The following RCL1 variants were observed in gnomAD, a reference collection of about 807,000 sequenced individuals.
RCL1 encodes RNA terminal phosphate cyclase like 1.
Under a neutral mutation model 42.4 loss-of-function variants are expected in RCL1, and 24 were observed. The observed-to-expected ratio is 0.57, with a 90% confidence interval of 0.41 to 0.80. The LOEUF (loss-of-function observed/expected upper bound fraction) is 0.80. RCL1 is among the 30% of genes least tolerant of loss of function. RCL1 has a pLI of 0.00. For synonymous variants in RCL1, 228 were observed against 177.3 expected, an observed-to-expected ratio of 1.29 and a Z score of -2.27; for missense variants, 578 against 467.9, an observed-to-expected ratio of 1.24 and a Z score of -2.17.
intron 1 of RCL1, among the ~76,000 whole-genome samples, chr9:4,817,076 C>G (rs562482115): frequency 2.6e-5 from 4 of 152,316 alleles, no homozygotes; most frequent in African/African-American, 9.6e-5. Context: ...CTCGGCCTCC[C>G]AAAATGCTGG....
At chr9:4,856,389 G>T (rs1817963566) in intron 8 of RCL1, among the ~76,000 whole-genome samples, 1 of 152,148 alleles carries the variant, frequency 6.6e-6, no homozygotes, top group Admixed American at 6.5e-5. Flanking sequence ...CCTCTTTACT[G>T]AGAACCTTTA....
At chr9:4,832,377 T>C (rs1055964137) in intron 3 of RCL1, among the ~76,000 whole-genome samples, 1 of 152,228 alleles carries the variant, frequency 6.6e-6, no homozygotes, top group Non-Finnish European at 1.5e-5. Context: ...TCATTGGCAT[T>C]CTTAGGTGAG....
intron 8 of RCL1, among the ~76,000 whole-genome samples, chr9:4,850,584 C>T (rs939023989): frequency 4.2e-5 from 6 of 142,526 alleles, no homozygotes; most frequent in Admixed American, 2.2e-4. Context: ...AGAGGGAAGA[C>T]TGATAAGCAG....
intron 5 of RCL1, among the ~76,000 whole-genome samples, chr9:4,838,885 G>A (rs1291360305): frequency 1.3e-5 from 2 of 152,218 alleles, no homozygotes; most frequent in East Asian, 3.8e-4. Flanking sequence ...ATAAAGAAAA[G>A]CAATAGCTGA....
At chr9:4,797,567 T>C (rs1231283997) in intron 1 of RCL1, among the ~76,000 whole-genome samples, 2 of 152,180 alleles carry the variant, frequency 1.3e-5, no homozygotes, top group African/African-American at 4.8e-5. Flanking sequence ...CTCTAGTGGT[T>C]AGAATCCAAG....
At chr9:4,803,804 T>A in intron 1 of RCL1, 1 of 173,310 alleles carries the variant, frequency 5.8e-6, no homozygotes, top group Non-Finnish European at 1.3e-5. Flanking sequence ...GTGCTTCATG[T>A]GGAAGGCAAG....
Position 4,792,978 on chromosome 9 carries a change from G to A in RCL1, c.-114G>A. On this transcript the variant is annotated 5_prime_UTR_variant, in exon 1 of 9. Transcript: ENST00000381750. ...GGACGCGTCTGGGCTGCTGGAGGCAGCCCGAGCCGCCGCCGTCGGTGTCGC... is the reference window on the plus strand; with the variant it reads ...GGACGCGTCTGGGCTGCTGGAGGCAACCCGAGCCGCCGCCGTCGGTGTCGC... 3.9e-6 allele frequency: 5 copies of A among 1,267,922 alleles called. No individual in the cohort carries two copies. In the South Asian group the frequency reaches 5.9e-5, roughly 15 times the overall value. The allele number at this position is 1,267,922 out of a possible 1,614,324, so 78.5% of individuals were successfully genotyped here.
chr9:4,828,612 G>A (rs1426223732), intron 3 of RCL1, among the ~76,000 whole-genome samples: 1 of 150,044 alleles, frequency 6.7e-6, no homozygotes, highest in African/African-American at 2.5e-5. Context: ...AGAATGAGAA[G>A]AGGTATAAAT....
chr9:4,824,666 C>A (rs114595406), intron 2 of RCL1, among the ~76,000 whole-genome samples: 2 of 152,164 alleles, frequency 1.3e-5, no homozygotes, highest in Non-Finnish European at 2.9e-5. Flanking sequence ...AAATCTCTGA[C>A]CTTTTCCCTA....
At chr9:4,848,560 C>T (rs1244132263) in intron 7 of RCL1, among the ~76,000 whole-genome samples, 3 of 152,192 alleles carry the variant, frequency 2.0e-5, no homozygotes, top group Admixed American at 1.3e-4. Context: ...TAATTTTGAC[C>T]TGTGCAAAAT....
intron 2 of RCL1, among the ~76,000 whole-genome samples, chr9:4,825,734 T>C (rs1202619532): frequency 2.0e-5 from 3 of 152,162 alleles, no homozygotes; most frequent in Non-Finnish European, 4.4e-5. Context: ...GATATGTAAA[T>C]CTAGTAAGAA....
Position 4,799,205 on chromosome 9 carries a change from G to A in RCL1, c.136+5978G>A, listed in dbSNP as rs147426577. Among the ~76,000 whole-genome samples, 156 of 151,132 alleles carry A rather than the reference G, an allele frequency of 1.0e-3. 4 individuals carry two copies. The highest frequency in any genetic ancestry group is 3.5e-3 in the African/African-American group (145 of 41,050). On this transcript the variant is annotated intron_variant, in intron 1 of 8. Coordinates refer to ENST00000381750, the MANE Select transcript of RCL1 (RefSeq NM_005772.5). ...ATCAGAGTGATCTCAAACTACTGGC[G>A]TCCAGTGAGCCTTCTGCCTAACTGT...
intron 1 of RCL1, among the ~76,000 whole-genome samples, chr9:4,803,174 T>G (rs529306179): frequency 3.3e-5 from 5 of 152,314 alleles, no homozygotes; most frequent in African/African-American, 1.2e-4. Context: ...AAACAAGGCT[T>G]ATTTATCTTA....
intron 8 of RCL1, among the ~76,000 whole-genome samples, chr9:4,859,863 AT>A (rs2129764391): frequency 6.6e-6 from 1 of 152,246 alleles, no homozygotes; most frequent in East Asian, 1.9e-4. Context: ...TAAATAACTT[AT>A]GTGTCACGTA....
chr9:4,856,220 G>C (rs1031991351), intron 8 of RCL1, among the ~76,000 whole-genome samples: 7 of 152,208 alleles, frequency 4.6e-5, no homozygotes, highest in Non-Finnish European at 1.0e-4. Context: ...AGGACAGGAT[G>C]GGGGAGATGG....
At chr9:4,814,214 C>G (rs1001769250) in intron 1 of RCL1, among the ~76,000 whole-genome samples, 2 of 151,702 alleles carry the variant, frequency 1.3e-5, no homozygotes, top group African/African-American at 4.8e-5. Context: ...CATATACAGC[C>G]TTTATTGTGT....
At chr9:4,824,342 C>T (rs959612425) in intron 2 of RCL1, among the ~76,000 whole-genome samples, 2 of 150,028 alleles carry the variant, frequency 1.3e-5, no homozygotes, top group African/African-American at 2.4e-5. Context: ...CCATCAGCAA[C>T]ATCATGCTCT....
In RCL1 at chr9:4,833,182, C is replaced by T. The variant is rs1280597977; in HGVS notation, c.413C>T (p.Pro138Leu). The change falls in exon 4 of 9, where the codon CCT becomes CTT. Residue 138 changes from proline to leucine, a missense_variant. Physicochemically the swap from Pro to Leu is moderately conservative, Grantham distance 98. Transcript: ENST00000381750. ...GATGTTCTTAAGGCAACAGCACTCCCTTTGTTGAAACAATTTGGGATTGAT... is the reference window on the plus strand; with the variant it reads ...GATGTTCTTAAGGCAACAGCACTCCTTTTGTTGAAACAATTTGGGATTGAT... ...SVDVLKATAL[P>L]LLKQFGIDGE... 2 of 1,613,284 alleles carry T rather than the reference C, an allele frequency of 1.2e-6. No homozygotes were observed. The highest frequency in any genetic ancestry group is 1.3e-5 in the African/African-American group (1 of 75,018).
At chr9:4,798,333 A>G (rs1842945903) in intron 1 of RCL1, among the ~76,000 whole-genome samples, 1 of 152,222 alleles carries the variant, frequency 6.6e-6, no homozygotes, top group Non-Finnish European at 1.5e-5. Context: ...TAAAGTTGGA[A>G]TAGCAGAAAT....
Sources: allele counts gnomAD v4.1 joint callset (sites outside exome capture counted in the v4.1 genomes callset), GRCh38; gene constraint gnomAD v4.1.1; transcripts MANE v1.5; gene names NCBI Gene and HGNC (gene_info 2026-07-23, HGNC 2026-07-21).